HYDIN: variants seen among roughly 807,000 people sequenced by gnomAD.
HYDIN encodes HYDIN axonemal central pair apparatus protein, also known as axonemal central pair apparatus protein HYDIN.
In HYDIN, 132 loss-of-function variants were observed where a neutral mutation model predicts 403.9. That is an observed-to-expected ratio of 0.33 (90% CI 0.28 to 0.38). The LOEUF (loss-of-function observed/expected upper bound fraction) is 0.38, where lower values mean the gene tolerates loss of function less well. Among genes scored for constraint, HYDIN ranks in the 10% least tolerant of loss-of-function variants. The probability of loss-of-function intolerance (pLI) is 1.00; values close to 1 mark genes in which losing one functional copy is unlikely to be tolerated. For synonymous variants in HYDIN, 1,202 were observed against 1,891.7 expected (o/e 0.64, Z 9.46); for missense variants, 2,827 against 5,009.5 (o/e 0.56, Z 13.15).
At chr16:71,087,767 G>C (rs1243577458) in intron 12 of HYDIN, 1 of 150,790 alleles carries the variant, frequency 6.6e-6, no homozygotes. Flanking sequence ...ATGGAGGGAG[G>C]TCTTGCTAGC....
At chr16:71,220,855 T>G (rs2089166268) in intron 1 of HYDIN, among the ~76,000 whole-genome samples, 1 of 152,338 alleles carries the variant, frequency 6.6e-6, no homozygotes, top group Admixed American at 6.5e-5. Flanking sequence ...TATGCTGGTT[T>G]GTTTGAACCA....
At chr16:71,189,924 T>TAC (rs2144676530) in intron 1 of HYDIN, among the ~76,000 whole-genome samples, 1 of 152,264 alleles carries the variant, frequency 6.6e-6, no homozygotes, top group South Asian at 2.1e-4. Context: ...AATAAGTAGC[T>TAC]ACATCAATAT....
intron 18 of HYDIN, among the ~76,000 whole-genome samples, chr16:71,051,204 T>G (rs989383880): frequency 7.9e-5 from 12 of 152,216 alleles, no homozygotes; most frequent in African/African-American, 2.9e-4. Flanking sequence ...TATTAACAGA[T>G]AAGGAAAAAA....
At chr16:71,063,443 G>A (rs891538530) in intron 16 of HYDIN, among the ~76,000 whole-genome samples, 1 of 152,266 alleles carries the variant, frequency 6.6e-6, no homozygotes, top group African/African-American at 2.4e-5. Flanking sequence ...TAAGTATCTT[G>A]AGTGTTTGGC....
intron 11 of HYDIN, chr16:71,090,376 G>A (rs551533344): frequency 6.7e-6 from 1 of 148,248 alleles, no homozygotes; most frequent in African/African-American, 2.5e-5. Flanking sequence ...TGTGTAAAAT[G>A]TAAGTACTAC....
rs1226359370 is a variant in HYDIN, at chr16:70,832,765, C to T, written c.13899+83G>A. The T allele has an allele frequency of 1.2e-5, 14 of 1,130,834 alleles. 1 individual carries two copies. The South Asian group carries it at 1.8e-4, about 15-fold the overall frequency. The allele number at this position is 1,130,834 out of a possible 1,614,324, so 70.1% of individuals were successfully genotyped here. ...GGCCTCGTGGAGGGAGGGGGCAGGCCTGCCTGTTTGAAGGAGGCCTGGCTG... is the reference window on the plus strand; with the variant it reads ...GGCCTCGTGGAGGGAGGGGGCAGGCTTGCCTGTTTGAAGGAGGCCTGGCTG... On this transcript the variant is annotated intron_variant, in intron 80 of 85. Coordinates refer to ENST00000393567, the MANE Select transcript of HYDIN (RefSeq NM_001270974.2).
intron 13 of HYDIN, among the ~76,000 whole-genome samples, chr16:71,077,686 A>G (rs2082660876): frequency 6.6e-6 from 1 of 151,920 alleles, no homozygotes; most frequent in Admixed American, 6.6e-5. Context: ...TTGTCTCTGA[A>G]AATGAATCAG....
At chr16:71,022,275 C>T (rs1185234082) in intron 21 of HYDIN, among the ~76,000 whole-genome samples, 1 of 152,194 alleles carries the variant, frequency 6.6e-6, no homozygotes, top group Admixed American at 6.5e-5. Context: ...AGAGGCCATT[C>T]TATTTTAAAA....
In HYDIN at chr16:70,900,997, G is replaced by A. The variant is rs767853467; in HGVS notation, c.9048+7C>T. 7 of 578,700 alleles carry A rather than the reference G, an allele frequency of 1.2e-5. No homozygotes were observed. Among genetic ancestry groups the A allele is most frequent in the Non-Finnish European group, 2.1e-5 (7 of 327,238 alleles). 35.8% of individuals were successfully genotyped at this position (578,700 alleles called of 1,614,324 possible). On this transcript the variant is annotated splice_region_variant and intron_variant, in intron 53 of 85. Transcript: ENST00000393567. ...ATAACCAAGTCTGTGGATGTGTGAAGCCTCACCTCCAACCGAATAGCCTTC... is the reference window on the plus strand; with the variant it reads ...ATAACCAAGTCTGTGGATGTGTGAAACCTCACCTCCAACCGAATAGCCTTC...
At chr16:70,901,347 A>G in intron 52 of HYDIN, 145 bp from the exon 53 acceptor site, 1 of 594,078 alleles carries the variant, frequency 1.7e-6, no homozygotes, top group Non-Finnish European at 3.0e-6. Context: ...TGCTGTACAG[A>G]TTATTCCATC....
chr16:70,874,944 G>C (rs967257114), intron 62 of HYDIN, 25 bp from the exon 63 acceptor site: 1 of 1,557,062 alleles, frequency 6.4e-7, no homozygotes, highest in African/African-American at 1.4e-5. Context: ...GCAGGGATGA[G>C]TGCTAGGCTT....
At chr16:71,133,457 T>C (rs577815507) in intron 8 of HYDIN, among the ~76,000 whole-genome samples, 7 of 152,358 alleles carry the variant, frequency 4.6e-5, no homozygotes, top group African/African-American at 1.7e-4. Context: ...AGATTAAGTT[T>C]ATTATGACAC....
rs2076960341 is a variant in HYDIN, at chr16:70,920,524, C to G, written c.7785+67G>C. 3.2e-6 allele frequency: 4 copies of G among 1,240,222 alleles called. No individual in the cohort carries two copies. The East Asian group carries it at 9.5e-5, about 29-fold the overall frequency. 76.8% of individuals were successfully genotyped at this position (1,240,222 alleles called of 1,614,324 possible). A position where few individuals can be genotyped will look rare whatever the true frequency, so the allele number is the denominator to read the frequency against. ...GGGTTTCAGGTAGGGAGAAGCACCC[C>G]TGATGACCTTAGCACAGCGCCTGCT... On this transcript the variant is annotated intron_variant, in intron 46 of 85. Coordinates refer to ENST00000393567, the MANE Select transcript of HYDIN (RefSeq NM_001270974.2).
chr16:71,209,305 C>G (rs1324249877), intron 1 of HYDIN, among the ~76,000 whole-genome samples: 1 of 151,466 alleles, frequency 6.6e-6, no homozygotes, highest in Non-Finnish European at 1.5e-5. Flanking sequence ...ACATGATTAT[C>G]TCAATAGATG....
chr16:71,094,337 T>C (rs1412976847), intron 10 of HYDIN, among the ~76,000 whole-genome samples: 13 of 152,078 alleles, frequency 8.5e-5, no homozygotes, highest in Non-Finnish European at 1.9e-4. Flanking sequence ...TAAACACAGG[T>C]AGACTAACAA....
intron 1 of HYDIN, among the ~76,000 whole-genome samples, chr16:71,190,998 G>A (rs775757292): frequency 3.9e-5 from 6 of 152,118 alleles, no homozygotes; most frequent in Non-Finnish European, 7.3e-5. Flanking sequence ...GGGTGAGAAG[G>A]AGAAAAGAAG....
chr16:71,081,105 G>T (rs195632), intron 12 of HYDIN: 1 of 151,812 alleles, frequency 6.6e-6, no homozygotes, highest in East Asian at 1.9e-4. Flanking sequence ...TGTGTTGTTT[G>T]AAGCTACTAA....
intron 1 of HYDIN, among the ~76,000 whole-genome samples, chr16:71,197,906 C>T (rs1334507223): frequency 1.3e-5 from 2 of 152,204 alleles, no homozygotes; most frequent in African/African-American, 4.8e-5. Context: ...TGCCACCATA[C>T]CTAGCTAATT....
chr16:70,931,902 C>G (rs2077348509), intron 45 of HYDIN, among the ~76,000 whole-genome samples: 1 of 144,658 alleles, frequency 6.9e-6, no homozygotes, highest in African/African-American at 2.5e-5. Context: ...ATAATCCCAG[C>G]TACTTGGGAA....
Sources: gnomAD v4.1 joint callset for allele counts (sites outside exome capture counted in the v4.1 genomes callset) on GRCh38, gnomAD v4.1.1 for gene constraint, MANE v1.5 for transcripts, NCBI Gene and HGNC (gene_info 2026-07-23, HGNC 2026-07-21) for gene names.